Variants in SYNE2 observed in about 807,000 individuals in gnomAD.
The protein encoded by SYNE2 is nesprin-2.
In SYNE2, 431 loss-of-function variants were observed where a neutral mutation model predicts 856.3. The ratio of observed to expected loss-of-function variants is 0.50; its 90% CI spans 0.47 to 0.55. The LOEUF (loss-of-function observed/expected upper bound fraction) is 0.55. Among genes scored for constraint, SYNE2 ranks in the 20% least tolerant of loss-of-function variants. The pLI is 0.00. For missense variants in SYNE2, 8,129 were observed against 8,023.2 expected, an observed-to-expected ratio of 1.01 and a Z score of -0.50; for synonymous variants, 2,923 against 2,872.3, an observed-to-expected ratio of 1.02 and a Z score of -0.56.
rs1433426864 is a variant in SYNE2 at position 64,028,396 on chromosome 14, C to T, written c.6714+603C>T. 3.3e-5 allele frequency among the ~76,000 whole-genome samples: 5 copies of T among 152,294 alleles called. No homozygotes were observed. In the East Asian group the frequency reaches 9.6e-4, roughly 29 times the overall value. On this transcript the variant is annotated intron_variant, in intron 43 of 115. Coordinates refer to ENST00000555002, the MANE Select transcript of SYNE2 (RefSeq NM_182914.3). ...TCAGCCTACCTAGTAGCTAGGACTACAGGCATGCGCCACTACACCCAGCTA... is the reference window on the plus strand; with the variant it reads ...TCAGCCTACCTAGTAGCTAGGACTATAGGCATGCGCCACTACACCCAGCTA...
chr14:63,922,637 CAT>C (rs773024802), intron 2 of SYNE2, among the ~76,000 whole-genome samples: 2 of 152,264 alleles, frequency 1.3e-5, no homozygotes, highest in Middle Eastern at 3.4e-3. Context: ...AAAAAATACT[CAT>C]GTGTTATAAT....
At chr14:64,194,319 G>T (rs573521001) in intron 99 of SYNE2, among the ~76,000 whole-genome samples, 1 of 150,402 alleles carries the variant, frequency 6.6e-6, no homozygotes, top group African/African-American at 2.5e-5. Context: ...TTGAGACAAG[G>T]TCTGGCTGTA....
At chr14:63,841,725 A>T (rs78472104) in intron 1 of SYNE2, among the ~76,000 whole-genome samples, 1 of 152,116 alleles carries the variant, frequency 6.6e-6, no homozygotes, top group East Asian at 1.9e-4. Context: ...GTTTTTATTC[A>T]GATTTCTCTT....
chr14:64,102,129 A>G (rs2097735427), intron 64 of SYNE2, 87 bp downstream of exon 64: 3 of 953,292 alleles, frequency 3.1e-6, no homozygotes, highest in African/African-American at 1.6e-5. Flanking sequence ...TTCTTTCCCT[A>G]CACCCCTGAG....
intron 10 of SYNE2, among the ~76,000 whole-genome samples, chr14:63,965,241 G>A (rs1030675444): frequency 2.0e-5 from 3 of 152,132 alleles, no homozygotes; most frequent in Admixed American, 2.0e-4. Flanking sequence ...GTGATTTCAG[G>A]TGTGAGCCAC....
intron 60 of SYNE2, among the ~76,000 whole-genome samples, chr14:64,091,943 G>T (rs1239556464): frequency 6.6e-6 from 1 of 151,876 alleles, no homozygotes; most frequent in East Asian, 1.9e-4. Context: ...GCACATTTTG[G>T]TGGCCACTCT....
At chr14:63,767,561 C>T (rs963888109) in intron 1 of SYNE2, among the ~76,000 whole-genome samples, 31 of 152,008 alleles carry the variant, frequency 2.0e-4, no homozygotes, top group African/African-American at 6.5e-4. Flanking sequence ...ATTGGGATGC[C>T]GTGGCCACAC....
At chr14:64,160,252 A>G (rs1432312339) in intron 87 of SYNE2, among the ~76,000 whole-genome samples, 1 of 152,210 alleles carries the variant, frequency 6.6e-6, no homozygotes, top group African/African-American at 2.4e-5. Flanking sequence ...GTCAAAACGT[A>G]TGGCAGGGCA....
chr14:64,042,214 C>A (rs2097154286), intron 45 of SYNE2, among the ~76,000 whole-genome samples: 2 of 152,008 alleles, frequency 1.3e-5, no homozygotes, highest in African/African-American at 4.8e-5. Flanking sequence ...TGGAAAAAAA[C>A]AAGTTATGAC....
At chr14:63,932,807 A>T (rs889170642) in intron 2 of SYNE2, among the ~76,000 whole-genome samples, 10 of 152,236 alleles carry the variant, frequency 6.6e-5, no homozygotes, top group Non-Finnish European at 1.5e-5. Context: ...GTTTCTATGA[A>T]CGCAGAGAGA....
At chr14:63,958,558 G>C (rs2096269504) in intron 8 of SYNE2, among the ~76,000 whole-genome samples, 1 of 152,124 alleles carries the variant, frequency 6.6e-6, no homozygotes, top group Non-Finnish European at 1.5e-5. Context: ...ATTTATTACT[G>C]TCAATGCTTA....
chr14:64,178,172 T>C (rs1180569696), intron 96 of SYNE2, among the ~76,000 whole-genome samples: 1 of 152,232 alleles, frequency 6.6e-6, no homozygotes, highest in Non-Finnish European at 1.5e-5. Context: ...TAGGAAGAAA[T>C]GAATAGTGTT....
At chr14:63,830,559 G>A (rs1055942304) in intron 1 of SYNE2, among the ~76,000 whole-genome samples, 1 of 151,666 alleles carries the variant, frequency 6.6e-6, no homozygotes, top group Non-Finnish European at 1.5e-5. Flanking sequence ...TACTCGTGAG[G>A]CTGAGGAGGG....
intron 8 of SYNE2, among the ~76,000 whole-genome samples, chr14:63,960,583 T>G (rs1447683204): frequency 1.3e-5 from 2 of 152,190 alleles, no homozygotes; most frequent in Non-Finnish European, 1.5e-5. Flanking sequence ...TAAGTTTAAC[T>G]TAATTAATAA....
chr14:64,155,753 C>T (rs1028884153), intron 85 of SYNE2, among the ~76,000 whole-genome samples: 1 of 152,092 alleles, frequency 6.6e-6, no homozygotes, highest in African/African-American at 2.4e-5. Context: ...AGAGTGAGAT[C>T]CCATCTCCAC....
In SYNE2 at chr14:64,190,949, C is replaced by T. The variant is rs528048419; in HGVS notation, c.18038+712C>T. 1.7e-5 allele frequency: 12 copies of T among 702,124 alleles called. 1 individual carries two copies. Among genetic ancestry groups the T allele is most frequent in the South Asian group, 8.9e-5 (6 of 67,576 alleles). The allele number at this position is 702,124 out of a possible 1,614,324, so 43.5% of individuals were successfully genotyped here. On this transcript the variant is annotated intron_variant, in intron 99 of 115. Transcript: ENST00000555002. ...CAGGTGGATGTTTTTTCAGTGGCCA[C>T]GTGGCATACAGCGAACCGTCACTTG...
chr14:63,833,694 A>C (rs1889748674), intron 1 of SYNE2, among the ~76,000 whole-genome samples: 1 of 152,196 alleles, frequency 6.6e-6, no homozygotes, highest in South Asian at 2.1e-4. Flanking sequence ...AATGGCATAC[A>C]ATGTGCTTTG....
chr14:63,763,733 T>C (rs1886576677), intron 1 of SYNE2, among the ~76,000 whole-genome samples: 2 of 152,146 alleles, frequency 1.3e-5, no homozygotes, highest in Non-Finnish European at 1.5e-5. Context: ...GGCATGATTA[T>C]AGCTCAGTAC....
At chr14:63,982,580 A>C in intron 16 of SYNE2, 50 bp from the exon 17 acceptor site, 1 of 1,575,318 alleles carries the variant, frequency 6.3e-7, no homozygotes, top group Non-Finnish European at 8.7e-7. Context: ...TACATAATAG[A>C]AAGACAATAT....
Sources: allele counts gnomAD v4.1 joint callset (sites outside exome capture counted in the v4.1 genomes callset), GRCh38; gene constraint gnomAD v4.1.1; transcripts MANE v1.5; gene names NCBI Gene and HGNC (gene_info 2026-07-23, HGNC 2026-07-21).